Variants in SGCZ observed in about 807,000 individuals in gnomAD.
SGCZ encodes the protein sarcoglycan zeta.
A neutral mutation model predicts 41.3 loss-of-function variants in SGCZ; 40 were observed. The ratio of observed to expected loss-of-function variants is 0.97; its 90% CI spans 0.75 to 1.26. The LOEUF is 1.26. Among genes scored for constraint, SGCZ ranks in the 50% most tolerant of loss-of-function variants. SGCZ has a pLI of 0.00. For synonymous variants in SGCZ, 206 were observed against 137.5 expected (o/e 1.50, Z -3.49); for missense variants, 552 against 369.8 (o/e 1.49, Z -4.04).
chr8:14,450,709 T>C (rs1438821237), intron 2 of SGCZ, among the ~76,000 whole-genome samples: 2 of 152,178 alleles, frequency 1.3e-5, no homozygotes, highest in East Asian at 3.9e-4. Context: ...TTTAAGATTC[T>C]TAGAAAGTTT....
chr8:15,124,591 A>G (rs1311120699), intron 1 of SGCZ, among the ~76,000 whole-genome samples: 1 of 152,166 alleles, frequency 6.6e-6, no homozygotes, highest in Non-Finnish European at 1.5e-5. Flanking sequence ...TATTTATTTG[A>G]AGTTTCCTCT....
intron 1 of SGCZ, among the ~76,000 whole-genome samples, chr8:14,617,767 A>G (rs954812113): frequency 3.3e-5 from 5 of 152,096 alleles, no homozygotes; most frequent in Non-Finnish European, 7.4e-5. Context: ...GGGTGGGAAT[A>G]TTATAAATCC....
At chr8:14,265,774 G>A (rs764882346) in intron 3 of SGCZ, among the ~76,000 whole-genome samples, 1 of 150,982 alleles carries the variant, frequency 6.6e-6, no homozygotes, top group Non-Finnish European at 1.5e-5. Flanking sequence ...TTAACAGAGA[G>A]AATGAAATAA....
chr8:15,209,407 A>G (rs1801169160), intron 1 of SGCZ, among the ~76,000 whole-genome samples: 3 of 52,514 alleles, frequency 5.7e-5, no homozygotes, highest in Admixed American at 5.6e-4. Context: ...TTTTATTCCC[A>G]TATCTCTTCT....
At chr8:14,685,569 G>C (rs1808586162) in intron 1 of SGCZ, among the ~76,000 whole-genome samples, 2 of 151,974 alleles carry the variant, frequency 1.3e-5, no homozygotes, top group South Asian at 4.1e-4. Context: ...ACTCCAGTAA[G>C]GCAATACCCA....
chr8:14,671,607 A>G (rs1311488726), intron 1 of SGCZ, among the ~76,000 whole-genome samples: 1 of 152,194 alleles, frequency 6.6e-6, no homozygotes, highest in African/African-American at 2.4e-5. Context: ...AGAATTAGAA[A>G]GAATATGATT....
At chr8:14,364,229 G>A (rs140197776) in intron 2 of SGCZ, among the ~76,000 whole-genome samples, 112 of 152,124 alleles carry the variant, frequency 7.4e-4, no homozygotes, top group African/African-American at 2.5e-3. Flanking sequence ...TTAATGTTAT[G>A]TAGATATTGT....
intron 1 of SGCZ, among the ~76,000 whole-genome samples, chr8:14,851,140 CG>C (rs942395953): frequency 2.0e-5 from 3 of 151,942 alleles, no homozygotes; most frequent in African/African-American, 4.8e-5. Context: ...GAGGCCAAGG[CG>C]GGCGGATCAC....
chr8:15,117,314 A>T (rs7462844), intron 1 of SGCZ, among the ~76,000 whole-genome samples: 1 of 151,612 alleles, frequency 6.6e-6, no homozygotes, highest in Non-Finnish European at 1.5e-5. Context: ...AGCCGAGATC[A>T]CACCACTGCA....
At chr8:14,090,784 T>G (rs1291314288) in intron 7 of SGCZ, 147 bp from the exon 8 acceptor site, 2 of 700,772 alleles carry the variant, frequency 2.9e-6, no homozygotes, top group Non-Finnish European at 4.6e-6. Context: ...AACAAACAAA[T>G]TACATTCCTA....
intron 1 of SGCZ, among the ~76,000 whole-genome samples, chr8:15,126,557 T>C (rs934127989): frequency 6.6e-6 from 1 of 152,158 alleles, no homozygotes; most frequent in Non-Finnish European, 1.5e-5. Flanking sequence ...AAATTCATCA[T>C]GGAAGAACTG....
intron 1 of SGCZ, among the ~76,000 whole-genome samples, chr8:14,586,009 A>C (rs1805045596): frequency 1.3e-5 from 2 of 152,168 alleles, no homozygotes; most frequent in African/African-American, 4.8e-5. Flanking sequence ...GAATGGGGGC[A>C]ATCATGTACA....
chr8:15,127,974 C>G (rs1807765560), intron 1 of SGCZ, among the ~76,000 whole-genome samples: 1 of 152,048 alleles, frequency 6.6e-6, no homozygotes, highest in African/African-American at 2.4e-5. Flanking sequence ...ACCTATAAAA[C>G]AAAAAGAAAT....
chr8:15,212,579 C>A (rs1011627647), intron 1 of SGCZ, among the ~76,000 whole-genome samples: 2 of 152,006 alleles, frequency 1.3e-5, no homozygotes, highest in Admixed American at 6.6e-5. Flanking sequence ...AGAGCCTTGG[C>A]TACAGCTGGA....
chr8:14,752,128 A>G (rs1799517608), intron 1 of SGCZ, among the ~76,000 whole-genome samples: 2 of 63,594 alleles, frequency 3.1e-5, no homozygotes, highest in Non-Finnish European at 6.1e-5. Flanking sequence ...CAAAACAAAA[A>G]AGCCAAAAAA....
At chr8:14,965,462 A>T (rs138935126) in intron 1 of SGCZ, among the ~76,000 whole-genome samples, 1 of 152,202 alleles carries the variant, frequency 6.6e-6, no homozygotes, top group Non-Finnish European at 1.5e-5. Flanking sequence ...GAGTGGCAAT[A>T]TACAATTCTT....
At chr8:14,924,360 G>C (rs989524539) in intron 1 of SGCZ, among the ~76,000 whole-genome samples, 1 of 152,140 alleles carries the variant, frequency 6.6e-6, no homozygotes, top group African/African-American at 2.4e-5. Flanking sequence ...CAAGAAGGCA[G>C]AATAAAATGT....
chr8:14,168,473 T>C (rs182477946), intron 4 of SGCZ, among the ~76,000 whole-genome samples: 141 of 152,250 alleles, frequency 9.3e-4, no homozygotes, highest in Non-Finnish European at 1.5e-3. Context: ...TCCTGTGCTG[T>C]TCTCATGAGT....
At chr8:14,797,048 T>C (rs1456892760) in intron 1 of SGCZ, among the ~76,000 whole-genome samples, 1 of 152,170 alleles carries the variant, frequency 6.6e-6, no homozygotes, top group Admixed American at 6.5e-5. Flanking sequence ...TATTTCTTCA[T>C]AGCAGCATGA....
Sources: allele counts gnomAD v4.1 joint callset (sites outside exome capture counted in the v4.1 genomes callset), GRCh38; gene constraint gnomAD v4.1.1; transcripts MANE v1.5; gene names NCBI Gene and HGNC (gene_info 2026-07-23, HGNC 2026-07-21).